Variants in EIF2AK3 observed in about 807,000 individuals in gnomAD.
The protein encoded by EIF2AK3 is eukaryotic translation initiation factor 2-alpha kinase 3.
EIF2AK3 carries 50 observed loss-of-function variants against 113.5 expected under a neutral mutation model. The observed-to-expected ratio is 0.44, with a 90% CI of 0.35 to 0.56. The LOEUF (loss-of-function observed/expected upper bound fraction) is 0.56, where lower values mean the gene tolerates loss of function less well. Ranked by LOEUF, EIF2AK3 falls within the 20% of genes least tolerant of loss-of-function variation. EIF2AK3 has a pLI of 0.00. For synonymous variants in EIF2AK3, 448 were observed against 495.4 expected (o/e 0.90, Z 1.27); for missense variants, 1,185 against 1,378.0 (o/e 0.86, Z 2.22).
intron 14 of EIF2AK3, among the ~76,000 whole-genome samples, chr2:88,564,957 T>G (rs1311439629): frequency 6.6e-6 from 1 of 152,158 alleles, no homozygotes; most frequent in East Asian, 1.9e-4. Context: ...TTTTATTTGT[T>G]TTCACAATAT....
At position 88,627,428 on chromosome 2, in the gene EIF2AK3, A is replaced by C. The variant is rs1467555218; in HGVS notation, c.-154T>G. 1.6e-5 allele frequency: 16 copies of C among 973,460 alleles called. No homozygotes were observed. The highest frequency in any genetic ancestry group is 2.2e-5 in the Non-Finnish European group (16 of 739,252). The allele number at this position is 973,460 out of a possible 1,614,324, so 60.3% of individuals were successfully genotyped here. ...AGCCGTGTTCCCCTGGCCACGTCTC[A>C]GCCCGGCCTCTGCCGCTGCCACCTG... On this transcript the variant is annotated 5_prime_UTR_variant, in exon 1 of 17. Transcript: ENST00000303236.
intron 1 of EIF2AK3, among the ~76,000 whole-genome samples, chr2:88,622,039 G>A (rs928464283): frequency 8.6e-5 from 13 of 151,890 alleles, no homozygotes; most frequent in Non-Finnish European, 1.8e-4. Flanking sequence ...TGGGACTACA[G>A]ACGTGTGCCA....
intron 13 of EIF2AK3, among the ~76,000 whole-genome samples, chr2:88,571,336 T>C (rs1674302804): frequency 6.6e-6 from 1 of 152,184 alleles, no homozygotes; most frequent in Non-Finnish European, 1.5e-5. Context: ...AATCTTATTA[T>C]TCTATATATT....
intron 14 of EIF2AK3, among the ~76,000 whole-genome samples, chr2:88,564,149 G>A (rs997538589): frequency 2.6e-5 from 4 of 152,198 alleles, no homozygotes; most frequent in African/African-American, 9.7e-5. Flanking sequence ...TGCAAATCTA[G>A]AACTTAACCT....
rs1674808091 is a variant in EIF2AK3 at position 88,588,872 on chromosome 2, A to G, written c.1195T>C (p.Ser399Pro). The part of the protein sequence containing the change: ...GMYRGQLYLQ[S>P]SVRISEKFPS... ...AACTTTTCTGAAATTCTGACTGATG[A>G]CTGCAGATACAGCTGGCCTCTATAC... Residue 399 changes from serine (S) to proline (P), a missense_variant, in exon 7 of 17, where the codon TCA becomes CCA. Physicochemically the swap from Ser to Pro is moderately conservative, Grantham distance 74. Around this residue, in one of 3 missense-constraint regions of EIF2AK3, gnomAD observed 877 missense variants for 1,024.2 expected, o/e 0.86. Transcript: ENST00000303236. 1.9e-6 allele frequency: 3 copies of G among 1,613,746 alleles called. No homozygotes were observed. The African/African-American group carries it at 4.0e-5, about 22-fold the overall frequency.
intron 1 of EIF2AK3, among the ~76,000 whole-genome samples, chr2:88,621,829 G>A (rs898976906): frequency 1.3e-5 from 2 of 151,656 alleles, no homozygotes; most frequent in Non-Finnish European, 2.9e-5. Flanking sequence ...TAACATAAGC[G>A]TAACAGATAT....
chr2:88,593,226 G>T, intron 4 of EIF2AK3, 46 bp downstream of exon 4: 1 of 1,609,944 alleles, frequency 6.2e-7, no homozygotes, highest in Non-Finnish European at 8.5e-7. Flanking sequence ...TTGGTATTAG[G>T]TGTATTTCTA....
At chr2:88,566,149 T>G (rs1413894836) in intron 14 of EIF2AK3, among the ~76,000 whole-genome samples, 2 of 152,214 alleles carry the variant, frequency 1.3e-5, no homozygotes, top group Non-Finnish European at 1.5e-5. Flanking sequence ...TATGTTTGTT[T>G]TCCATCTTCT....
chr2:88,568,123 A>G (rs1382011312), intron 14 of EIF2AK3, among the ~76,000 whole-genome samples: 1 of 152,214 alleles, frequency 6.6e-6, no homozygotes, highest in East Asian at 1.9e-4. Flanking sequence ...AAACAATGCA[A>G]ACACTTCAAA....
At chr2:88,627,536 C>T (rs1366261128), upstream of EIF2AK3, 1 of 392,102 alleles carries the variant, frequency 2.6e-6, no homozygotes, top group Non-Finnish European at 4.5e-6. Context: ...GCTGCCACTC[C>T]ATGTTCCCAG....
intron 1 of EIF2AK3, among the ~76,000 whole-genome samples, chr2:88,614,451 T>G (rs1675525080): frequency 6.6e-6 from 1 of 152,222 alleles, no homozygotes; most frequent in Non-Finnish European, 1.5e-5. Context: ...GGATTTCAGC[T>G]GCTGGTTTAC....
intron 7 of EIF2AK3, 84 bp from the exon 8 acceptor site, chr2:88,588,188 T>C (rs1674789050): frequency 2.3e-6 from 2 of 874,628 alleles, no homozygotes; most frequent in East Asian, 3.1e-5. Flanking sequence ...ACGTGCTTAA[T>C]TGAATAAACT....
intron 6 of EIF2AK3, among the ~76,000 whole-genome samples, chr2:88,589,460 C>T (rs1674826535): frequency 6.6e-6 from 1 of 151,796 alleles, no homozygotes. Flanking sequence ...CTTTCAATTG[C>T]CCAGAAGCAC....
intron 4 of EIF2AK3, 89 bp downstream of exon 4, chr2:88,593,183 T>A: frequency 2.6e-6 from 4 of 1,530,308 alleles, no homozygotes; most frequent in Non-Finnish European, 3.6e-6. Context: ...AACAAAATAG[T>A]CAAAATCTCC....
chr2:88,593,966 T>C, intron 3 of EIF2AK3: 1 of 990,936 alleles, frequency 1.0e-6, no homozygotes, highest in African/African-American at 1.7e-5. Flanking sequence ...AACCAGGTGA[T>C]CGGGTTCAAT....
At chr2:88,557,996 T>A in intron 16 of EIF2AK3, 60 bp from the exon 17 acceptor site, 1 of 1,532,240 alleles carries the variant, frequency 6.5e-7, no homozygotes, top group Non-Finnish European at 9.0e-7. Context: ...GTACAGTTTT[T>A]AAAATCAGTG....
At chr2:88,608,932 C>A (rs1484633127) in intron 2 of EIF2AK3, among the ~76,000 whole-genome samples, 4 of 148,584 alleles carry the variant, frequency 2.7e-5, no homozygotes, top group African/African-American at 1.0e-4. Context: ...TGGGGTTTTG[C>A]CATGTTGCCC....
chr2:88,583,199 T>C (rs1188177588), intron 10 of EIF2AK3, among the ~76,000 whole-genome samples: 1 of 152,194 alleles, frequency 6.6e-6, no homozygotes, highest in Non-Finnish European at 1.5e-5. Flanking sequence ...GTTACTTGAA[T>C]AAGAACTTAA....
chr2:88,576,481 A>C lies in EIF2AK3; in HGVS notation c.2036+73T>G, dbSNP rs1397754265. ...TTTTCTTTAAAAAAAAAAATCCCTA[A>C]AGTTATAAAACTGACATTGTAATCA... On this transcript the variant is annotated intron_variant, in intron 12 of 16. Transcript: ENST00000303236. The C allele has an allele frequency of 1.4e-5, 22 of 1,594,502 alleles. No homozygotes were observed. In the Admixed American group the frequency reaches 1.6e-4, roughly 11 times the overall value.
Sources: allele counts gnomAD v4.1 joint callset (sites outside exome capture counted in the v4.1 genomes callset), GRCh38; gene constraint gnomAD v4.1.1; regional missense constraint gnomAD v4.1.1; transcripts MANE v1.5; gene names NCBI Gene and HGNC (gene_info 2026-07-23, HGNC 2026-07-21).